The following ADGRL3 variants were observed in gnomAD, a reference collection of about 807,000 sequenced individuals.
The protein encoded by ADGRL3 is adhesion G protein-coupled receptor L3, also known as calcium-independent alpha-latrotoxin receptor 3.
Under a neutral mutation model 153.5 loss-of-function variants are expected in ADGRL3, and 62 were observed. The ratio of observed to expected loss-of-function variants is 0.40; its 90% CI spans 0.33 to 0.50. The LOEUF (loss-of-function observed/expected upper bound fraction) is 0.50. Among genes scored for constraint, ADGRL3 ranks in the 20% least tolerant of loss-of-function variants. The pLI is 0.47. For missense variants in ADGRL3, 1,641 were observed against 1,859.4 expected (o/e 0.88, Z 2.16); for synonymous variants, 710 against 672.5 (o/e 1.06, Z -0.86).
At chr4:61,586,043 T>A (rs2098945286) in intron 4 of ADGRL3, among the ~76,000 whole-genome samples, 1 of 151,988 alleles carries the variant, frequency 6.6e-6, no homozygotes, top group South Asian at 2.1e-4. Context: ...AGTAAAGTAG[T>A]ACAAGTTAAA....
chr4:61,453,957 A>T (rs11131327), intron 2 of ADGRL3, among the ~76,000 whole-genome samples: 35,130 of 151,966 alleles, frequency 0.23, 4,160 homozygotes, highest in South Asian at 0.29. Context: ...AAATTGATAT[A>T]TACTCTTACC....
At chr4:61,697,201 G>T (rs537266519) in intron 6 of ADGRL3, among the ~76,000 whole-genome samples, 68 of 152,172 alleles carry the variant, frequency 4.5e-4, no homozygotes, top group South Asian at 8.3e-4. Flanking sequence ...TGATGGATGG[G>T]TAAAATCCAA....
chr4:61,296,247 G>A (rs554945456), intron 1 of ADGRL3, among the ~76,000 whole-genome samples: 1 of 152,262 alleles, frequency 6.6e-6, no homozygotes, highest in Admixed American at 6.5e-5. Context: ...TTGTGTCGGA[G>A]TGCAGCGATG....
At chr4:61,207,608 C>G (rs1737908533) in intron 1 of ADGRL3, among the ~76,000 whole-genome samples, 1 of 151,978 alleles carries the variant, frequency 6.6e-6, no homozygotes, top group African/African-American at 2.4e-5. Context: ...GTTGTAGATC[C>G]TTGAGGAATC....
chr4:61,737,982 G>GAGTA (rs1319810997), intron 8 of ADGRL3, among the ~76,000 whole-genome samples: 1 of 151,448 alleles, frequency 6.6e-6, no homozygotes, highest in Non-Finnish European at 1.5e-5. Context: ...TTGGTTACAT[G>GAGTA]AGTAAGTTTT....
intron 21 of ADGRL3, among the ~76,000 whole-genome samples, chr4:62,005,118 A>G (rs1025570131): frequency 6.6e-6 from 1 of 152,166 alleles, no homozygotes; most frequent in South Asian, 2.1e-4. Flanking sequence ...TAGCATTTAA[A>G]TGCATTTAGC....
At chr4:61,652,315 A>T (rs6820960) in intron 5 of ADGRL3, among the ~76,000 whole-genome samples, 53,199 of 152,020 alleles carry the variant, frequency 0.35, 9,791 homozygotes, top group East Asian at 0.52. Context: ...CATTACTTTT[A>T]CTTATATTTT....
chr4:61,587,514 C>A, intron 5 of ADGRL3, 74 bp downstream of exon 5: 1 of 1,078,750 alleles, frequency 9.3e-7, no homozygotes, highest in Non-Finnish European at 1.4e-6. Context: ...ACATGTTAAG[C>A]ATAAGAACAT....
chr4:61,867,037 A>G (rs2098404598), intron 9 of ADGRL3, among the ~76,000 whole-genome samples: 3 of 152,296 alleles, frequency 2.0e-5, no homozygotes, highest in South Asian at 4.1e-4. Context: ...TGGAAAATTC[A>G]TATGTACTTG....
chr4:61,609,175 G>A (rs1445409427), intron 5 of ADGRL3, among the ~76,000 whole-genome samples: 2 of 151,916 alleles, frequency 1.3e-5, no homozygotes, highest in African/African-American at 2.4e-5. Flanking sequence ...TAGTCTGTTC[G>A]CCAATTTTAC....
intron 13 of ADGRL3, chr4:61,933,747 C>T (rs1018572635): frequency 1.3e-5 from 2 of 152,160 alleles, no homozygotes; most frequent in Admixed American, 6.5e-5. Context: ...TATGAAAACA[C>T]CAGCCAGGAG....
At chr4:61,924,401 A>C (rs2098785165) in intron 13 of ADGRL3, among the ~76,000 whole-genome samples, 1 of 152,060 alleles carries the variant, frequency 6.6e-6, no homozygotes, top group African/African-American at 2.4e-5. Context: ...TTTAAATACC[A>C]CCTATATGTC....
intron 21 of ADGRL3, among the ~76,000 whole-genome samples, chr4:62,016,052 T>A (rs1164379935): frequency 6.6e-6 from 1 of 152,030 alleles, no homozygotes; most frequent in Non-Finnish European, 1.5e-5. Context: ...CTTTTCTTTT[T>A]CTTTTTCTCT....
intron 21 of ADGRL3, among the ~76,000 whole-genome samples, chr4:62,014,290 G>A (rs2099201317): frequency 2.0e-5 from 3 of 152,234 alleles, no homozygotes; most frequent in African/African-American, 7.2e-5. Flanking sequence ...CTGCCAGTGG[G>A]CAACAATTTC....
chr4:62,061,995 G>T (rs1405093425), intron 25 of ADGRL3, among the ~76,000 whole-genome samples: 2 of 151,898 alleles, frequency 1.3e-5, no homozygotes, highest in Non-Finnish European at 2.9e-5. Flanking sequence ...GCAGTTGCTG[G>T]GTGTCATAGT....
chr4:61,446,411 T>C (rs190005645), intron 2 of ADGRL3, among the ~76,000 whole-genome samples: 72 of 152,354 alleles, frequency 4.7e-4, no homozygotes, highest in Non-Finnish European at 4.4e-5. Flanking sequence ...ATGGTATTAA[T>C]GAATTGATGT....
intron 1 of ADGRL3, among the ~76,000 whole-genome samples, chr4:61,372,949 C>T (rs377435136): frequency 1.9e-3 from 282 of 152,280 alleles, no homozygotes; most frequent in African/African-American, 4.0e-3. Flanking sequence ...TTTTTAAGCC[C>T]GTCGGAAAAG....
intron 2 of ADGRL3, among the ~76,000 whole-genome samples, chr4:61,433,668 C>T (rs949746252): frequency 6.6e-6 from 1 of 152,142 alleles, no homozygotes; most frequent in East Asian, 1.9e-4. Context: ...TAACATTTCT[C>T]TATAAGTACT....
intron 2 of ADGRL3, among the ~76,000 whole-genome samples, chr4:61,440,198 G>A (rs189253646): frequency 5.9e-5 from 9 of 151,968 alleles, no homozygotes; most frequent in South Asian, 2.1e-4. Flanking sequence ...ACAGGCATGC[G>A]CCACCACACC....
Sources: allele counts gnomAD v4.1 joint callset (sites outside exome capture counted in the v4.1 genomes callset), GRCh38; gene constraint gnomAD v4.1.1; transcripts MANE v1.5; gene names NCBI Gene and HGNC (gene_info 2026-07-23, HGNC 2026-07-21).